CDH9: variants seen among roughly 807,000 people sequenced by gnomAD.
CDH9 encodes cadherin-9.
A neutral mutation model predicts 70.9 loss-of-function variants in CDH9; 28 were observed. That is an observed-to-expected ratio of 0.40 (90% CI 0.29 to 0.54). CDH9 has a LOEUF of 0.54. CDH9 is among the 20% of genes least tolerant of loss of function. The pLI, the probability that CDH9 is intolerant of heterozygous loss-of-function variation, is 0.59. For missense variants in CDH9, 874 were observed against 984.4 expected (o/e 0.89, Z 1.50); for synonymous variants, 409 against 343.1 (o/e 1.19, Z -2.12).
intron 1 of CDH9, among the ~76,000 whole-genome samples, chr5:27,009,477 G>A: frequency 6.6e-6 from 1 of 152,104 alleles, no homozygotes; most frequent in Admixed American, 6.6e-5. Context: ...TCTGGGAGTT[G>A]AGAATTAGGC....
In CDH9 at chr5:26,982,459, C is replaced by CT. The variant is rs1304698279; in HGVS notation, c.228+5646dup. 9.2e-5 allele frequency among the ~76,000 whole-genome samples: 14 copies of CT among 152,070 alleles called. 1 individual carries two copies. The highest frequency in any genetic ancestry group is 9.2e-4 in the Admixed American group (14 of 15,254). ...ATATATTTCTATAAAATTTTCTCTGCTTTTTCTATTTTTCATAATGTCAAT... is the reference window on the plus strand; with the variant it reads ...ATATATTTCTATAAAATTTTCTCTGCTTTTTTCTATTTTTCATAATGTCAAT... On this transcript the variant is annotated intron_variant, in intron 2 of 11. Coordinates refer to ENST00000231021, the MANE Select transcript of CDH9 (RefSeq NM_016279.4).
chr5:26,986,227 T>G (rs1486887004), intron 2 of CDH9, among the ~76,000 whole-genome samples: 2 of 152,092 alleles, frequency 1.3e-5, no homozygotes, highest in Non-Finnish European at 1.5e-5. Flanking sequence ...GATATTATAA[T>G]GAGTGTTCCA....
At chr5:27,028,400 G>A (rs1176919506) in intron 1 of CDH9, 1 of 151,694 alleles carries the variant, frequency 6.6e-6, no homozygotes, top group Admixed American at 6.6e-5. Flanking sequence ...AAATTCCTTG[G>A]TAACAATAAA....
intron 1 of CDH9, among the ~76,000 whole-genome samples, chr5:27,010,804 T>C (rs922665087): frequency 6.6e-6 from 1 of 152,278 alleles, no homozygotes; most frequent in East Asian, 1.9e-4. Context: ...CCAGTTGCAG[T>C]GGCATGAGTT....
intron 11 of CDH9, among the ~76,000 whole-genome samples, chr5:26,882,624 A>G (rs1474156100): frequency 1.3e-5 from 2 of 152,050 alleles, no homozygotes; most frequent in African/African-American, 2.4e-5. Context: ...ATAGCTTTAC[A>G]TATAAGAAAG....
chr5:26,971,184 A>G (rs932144669), intron 2 of CDH9, among the ~76,000 whole-genome samples: 1 of 152,174 alleles, frequency 6.6e-6, no homozygotes, highest in Non-Finnish European at 1.5e-5. Flanking sequence ...TGTGTACTTT[A>G]TGATTCCAGC....
At chr5:27,019,802 TAA>T (rs1410440296) in intron 1 of CDH9, among the ~76,000 whole-genome samples, 3 of 151,932 alleles carry the variant, frequency 2.0e-5, no homozygotes, top group Non-Finnish European at 4.4e-5. Flanking sequence ...TGAAATAAAA[TAA>T]GTTTTAAATA....
At chr5:27,013,478 A>C (rs1742992573) in intron 1 of CDH9, among the ~76,000 whole-genome samples, 1 of 151,946 alleles carries the variant, frequency 6.6e-6, no homozygotes. Flanking sequence ...ATGAGGCTTC[A>C]CCAGCATCTC....
intron 2 of CDH9, among the ~76,000 whole-genome samples, chr5:26,924,113 G>C (rs1032960141): frequency 6.6e-6 from 1 of 151,592 alleles, no homozygotes; most frequent in Non-Finnish European, 1.5e-5. Context: ...ACAGAAACAT[G>C]GTTTGTTGAA....
intron 2 of CDH9, among the ~76,000 whole-genome samples, chr5:26,926,952 A>G (rs1741353461): frequency 2.7e-5 from 4 of 145,952 alleles, no homozygotes; most frequent in Admixed American, 2.7e-4. Flanking sequence ...ACAAAGAAAG[A>G]AAATAAAACT....
At chr5:26,994,769 A>G (rs1417248262) in intron 1 of CDH9, among the ~76,000 whole-genome samples, 3 of 152,118 alleles carry the variant, frequency 2.0e-5, no homozygotes, top group Non-Finnish European at 2.9e-5. Context: ...ACTGACTAGA[A>G]CAAAGTGATA....
chr5:27,009,526 CT>C (rs1299711140), intron 1 of CDH9, among the ~76,000 whole-genome samples: 2 of 152,098 alleles, frequency 1.3e-5, no homozygotes, highest in Non-Finnish European at 2.9e-5. Context: ...AGGGGCTCCC[CT>C]ATCTACTATT....
At chr5:26,955,637 G>A in intron 2 of CDH9, among the ~76,000 whole-genome samples, 1 of 151,356 alleles carries the variant, frequency 6.6e-6, no homozygotes, top group South Asian at 2.1e-4. Context: ...AATTTCAGCT[G>A]ACTACCAATA....
At chr5:26,954,694 C>T (rs1364592366) in intron 2 of CDH9, among the ~76,000 whole-genome samples, 1 of 151,328 alleles carries the variant, frequency 6.6e-6, no homozygotes, top group Non-Finnish European at 1.5e-5. Flanking sequence ...CTATAACAGC[C>T]TTTTTTTTAT....
chr5:26,917,742 C>T (rs572066150), intron 2 of CDH9, among the ~76,000 whole-genome samples: 1 of 152,116 alleles, frequency 6.6e-6, no homozygotes, highest in African/African-American at 2.4e-5. Context: ...CTCTGGACCA[C>T]CAGAGCAATC....
chr5:26,982,982 G>C lies in CDH9; in HGVS notation c.228+5124C>G, dbSNP rs918372747. Among the ~76,000 whole-genome samples the C allele has an allele frequency of 3.3e-5, 5 of 152,254 alleles. No individual in the cohort carries two copies. The East Asian group carries it at 7.7e-4, about 24-fold the overall frequency. ...TTGCAGGCGTGAGCCACCGCGCCTG[G>C]TCTATGAATAAGATTTTAAGAGATG... On this transcript the variant is annotated intron_variant, in intron 2 of 11. Coordinates refer to ENST00000231021, the MANE Select transcript of CDH9 (RefSeq NM_016279.4).
Position 26,954,956 on chromosome 5 carries a change from G to T in CDH9, c.228+33150C>A, listed in dbSNP as rs1014869090. Among the ~76,000 whole-genome samples, 4 of 152,124 alleles carry T rather than the reference G, an allele frequency of 2.6e-5. No homozygotes were observed. In the South Asian group the frequency reaches 8.3e-4, roughly 31 times the overall value. On this transcript the variant is annotated intron_variant, in intron 2 of 11. Transcript: ENST00000231021. ...AGTCTGAGGTGGGAGGACTGCTTCA[G>T]CCTGGGATGTTGAGGCTGTATTGGC...
chr5:26,980,532 A>G (rs1319758897), intron 2 of CDH9, among the ~76,000 whole-genome samples: 1 of 152,020 alleles, frequency 6.6e-6, no homozygotes, highest in East Asian at 1.9e-4. Context: ...CACTGCAGCT[A>G]TAAGACTCTT....
intron 1 of CDH9, among the ~76,000 whole-genome samples, chr5:27,036,372 CACA>C (rs1278045229): frequency 6.6e-6 from 1 of 151,872 alleles, no homozygotes; most frequent in Non-Finnish European, 1.5e-5. Context: ...AGTTGAGCAA[CACA>C]ACATTTAAAA....
Sources: allele counts gnomAD v4.1 joint callset (sites outside exome capture counted in the v4.1 genomes callset), GRCh38; gene constraint gnomAD v4.1.1; transcripts MANE v1.5; gene names NCBI Gene and HGNC (gene_info 2026-07-23, HGNC 2026-07-21).